PDE4A: variants seen among roughly 807,000 people sequenced by gnomAD.
PDE4A encodes the protein 3',5'-cyclic-AMP phosphodiesterase 4A.
In PDE4A, 21 loss-of-function variants were observed where a neutral mutation model predicts 73.9. The ratio of observed to expected loss-of-function variants is 0.28; its 90% CI spans 0.20 to 0.41. PDE4A has a LOEUF of 0.41. Among genes scored for constraint, PDE4A ranks in the 10% least tolerant of loss-of-function variants. The probability of loss-of-function intolerance (pLI) is 1.00; values close to 1 mark genes in which losing one functional copy is unlikely to be tolerated. For synonymous variants in PDE4A, 463 were observed against 505.4 expected (o/e 0.92, Z 1.13); for missense variants, 958 against 1,211.4 (o/e 0.79, Z 3.10).
intron 1 of PDE4A, among the ~76,000 whole-genome samples, chr19:10,438,305 G>A (rs2042892363): frequency 6.6e-6 from 1 of 151,296 alleles, no homozygotes; most frequent in Non-Finnish European, 1.5e-5. Flanking sequence ...TAGAGACGGG[G>A]TTTCATCATG....
chr19:10,429,690 T>C (rs1800534454), intron 1 of PDE4A, among the ~76,000 whole-genome samples: 1 of 152,138 alleles, frequency 6.6e-6, no homozygotes, highest in Non-Finnish European at 1.5e-5. Context: ...GTGGGTGGCA[T>C]TCTAGGTTGT....
chr19:10,426,531 A>T (rs1346829639), intron 1 of PDE4A, among the ~76,000 whole-genome samples: 2 of 152,152 alleles, frequency 1.3e-5, no homozygotes, highest in Non-Finnish European at 2.9e-5. Context: ...CCATAGACAC[A>T]TTCCCTGCTG....
At position 10,461,572 on chromosome 19, in the gene PDE4A, TCAC is replaced by T. The variant is rs1445828063; in HGVS notation, c.1517_1519del (p.His506del). 6.2e-7 allele frequency: 1 copy of T among 1,613,612 alleles called. No homozygotes were observed. Among genetic ancestry groups the T allele is most frequent in the Admixed American group, 1.7e-5 (1 of 60,000 alleles). ...ACAACGATGAGTCGGTGCTCGAGAA[TCAC>T]CACCTGGCCGTGGGCTTCAAGCTGC... On this transcript the variant is annotated inframe_deletion, in exon 12 of 15. Coordinates refer to ENST00000380702, the MANE Select transcript of PDE4A (RefSeq NM_001111307.2).
chr19:10,467,518 A>G lies in PDE4A; in HGVS notation c.2558A>G (p.Gln853Arg), dbSNP rs151033353. ...GAGGTGGAGGCCCAACGAGAGCACC[A>G]GGCTGCCAAGAGGGCTTGCAGTGCC... ...AAEVEAQREH[Q>R]AAKRACSACA... is the part of the protein sequence containing the mutation. The change falls in exon 15 of 15, where the codon CAG becomes CGG. Residue 853 changes from glutamine to arginine, a missense_variant. Coordinates refer to ENST00000380702, the MANE Select transcript of PDE4A (RefSeq NM_001111307.2). The G allele has an allele frequency of 1.2e-5, 19 of 1,612,570 alleles. No homozygotes were observed. The highest frequency in any genetic ancestry group is 1.5e-5 in the Non-Finnish European group (18 of 1,179,810).
intron 1 of PDE4A, among the ~76,000 whole-genome samples, chr19:10,441,681 G>GT (rs1200442230): frequency 4.7e-4 from 62 of 131,754 alleles, no homozygotes; most frequent in African/African-American, 1.4e-3. Context: ...GTCATTTTGA[G>GT]TTATTTTTTT....
chr19:10,450,622 C>T lies in PDE4A; in HGVS notation c.640C>T (p.Pro214Ser), dbSNP rs759580657. Residue 214 changes from proline to serine, a missense_variant, in exon 5 of 15, where the codon CCC becomes TCC. Physicochemically the swap from Pro to Ser is moderately conservative, Grantham distance 74. Around this residue, in one of 3 missense-constraint regions of PDE4A, gnomAD observed 570 missense variants for 827.7 expected, o/e 0.69. Coordinates refer to ENST00000380702, the MANE Select transcript of PDE4A (RefSeq NM_001111307.2). Reference protein sequence around the residue: ...PSNKRSPLGGPTPVCKATLSE... With the variant: ...PSNKRSPLGGSTPVCKATLSE... ...CTGCAGGCGGTCCCCGCTGGGCGGC[C>T]CCACCCCTGTCTGCAAGGCCACGCT... 2.5e-6 allele frequency: 4 copies of T among 1,609,824 alleles called. No individual in the cohort carries two copies. The African/African-American group carries it at 4.0e-5, about 16-fold the overall frequency.
In PDE4A at chr19:10,452,017, AATG is replaced by A. The variant is rs2043098151; in HGVS notation, c.783+1077_783+1079del. Among the ~76,000 whole-genome samples, 6 of 126,752 alleles carry A rather than the reference AATG, an allele frequency of 4.7e-5. 1 individual carries two copies. The highest frequency in any genetic ancestry group is 2.7e-4 in the South Asian group (1 of 3,686). The allele number at this position is 126,752 out of a possible 152,430, so 83.2% of individuals were successfully genotyped here. ...GATATGGGTCTGAGGATGTTTCTGC[AATG>A]GTGTGTGTGTGTGTGTGTGTGTGTG... On this transcript the variant is annotated intron_variant, in intron 6 of 14. Coordinates refer to ENST00000380702, the MANE Select transcript of PDE4A (RefSeq NM_001111307.2).
chr19:10,462,671 C>G (rs2043293547), intron 13 of PDE4A, among the ~76,000 whole-genome samples: 1 of 152,058 alleles, frequency 6.6e-6, no homozygotes, highest in Non-Finnish European at 1.5e-5. Flanking sequence ...CCCATCTCTC[C>G]TTCCCATCTC....
Position 10,459,773 on chromosome 19 carries a change from C to T in PDE4A, c.1365+14C>T, listed in dbSNP as rs1568382706. The T allele has an allele frequency of 6.3e-7, 1 of 1,590,378 alleles. No individual in the cohort carries two copies. The highest frequency in any genetic ancestry group is 2.2e-5 in the East Asian group (1 of 44,478). On this transcript the variant is annotated intron_variant, in intron 10 of 14. Transcript: ENST00000380702. The stretch of plus-strand genomic sequence containing the variant: ...CCTGCACTAGATGTGAGTGACTGCC[C>T]TGTGAGTGACCGTCCCCATCTCTCT...
At chr19:10,446,588 T>A (rs141238240) in intron 2 of PDE4A, among the ~76,000 whole-genome samples, 179 bp downstream of exon 2, 4,249 of 151,860 alleles carry the variant, frequency 0.028, 200 homozygotes, top group African/African-American at 0.097. Context: ...GTTCCTTTTT[T>A]TTTTTTTTTC....
At chr19:10,454,690 G>C in intron 6 of PDE4A, 139 bp from the exon 7 acceptor site, 1 of 1,474,224 alleles carries the variant, frequency 6.8e-7, no homozygotes, top group Non-Finnish European at 9.1e-7. Context: ...CCCCCCAGCA[G>C]TCTTATAGGG....
At chr19:10,441,301 G>T (rs1471266160) in intron 1 of PDE4A, among the ~76,000 whole-genome samples, 1 of 152,014 alleles carries the variant, frequency 6.6e-6, no homozygotes, top group Non-Finnish European at 1.5e-5. Flanking sequence ...GCTAATTTTT[G>T]TATTTTTAGT....
In PDE4A at chr19:10,420,761, C is replaced by A; in HGVS notation, c.-4C>A. The A allele has an allele frequency of 1.3e-6, 2 of 1,555,988 alleles. No individual in the cohort carries two copies. Among genetic ancestry groups the A allele is most frequent in the Non-Finnish European group, 1.7e-6 (2 of 1,162,678 alleles). On this transcript the variant is annotated 5_prime_UTR_variant, in exon 1 of 15. Coordinates refer to ENST00000380702, the MANE Select transcript of PDE4A (RefSeq NM_001111307.2). The surrounding 1 kb of genome is among the most constrained non-coding windows in gnomAD (Gnocchi z 6.0). ...CCCCTGGGGCGCAAGTGGGGGCCGGCGCCATGGAACCCCCGACCGTCCCCT... is the reference window on the plus strand; with the variant it reads ...CCCCTGGGGCGCAAGTGGGGGCCGGAGCCATGGAACCCCCGACCGTCCCCT...
rs563951619 is a variant in PDE4A, at chr19:10,433,957, G to C, written c.321-12261G>C. On this transcript the variant is annotated intron_variant, in intron 1 of 14. Coordinates refer to ENST00000380702, the MANE Select transcript of PDE4A (RefSeq NM_001111307.2). ...TTCAAATCCACATTCTAGGCCGGGCGTGGTGGCTCATGCCTGTAATCCCAG... is the reference window on the plus strand; with the variant it reads ...TTCAAATCCACATTCTAGGCCGGGCCTGGTGGCTCATGCCTGTAATCCCAG... 1.3e-4 allele frequency among the ~76,000 whole-genome samples: 20 copies of C among 152,316 alleles called. No individual in the cohort carries two copies. In the South Asian group the frequency reaches 3.5e-3, roughly 27 times the overall value.
chr19:10,419,769 C>G (rs1016238693), upstream of PDE4A, among the ~76,000 whole-genome samples: 1 of 152,154 alleles, frequency 6.6e-6, no homozygotes, highest in Non-Finnish European at 1.5e-5. Context: ...AAGCACACAC[C>G]GACCACAAAC....
intron 1 of PDE4A, chr19:10,428,666 C>A (rs1237484954): frequency 1.9e-6 from 1 of 523,542 alleles, no homozygotes. Flanking sequence ...AGTATTATAC[C>A]CATTTTACAA....
chr19:10,437,210 A>C (rs1293797494), intron 1 of PDE4A, among the ~76,000 whole-genome samples: 1 of 151,602 alleles, frequency 6.6e-6, no homozygotes, highest in African/African-American at 2.4e-5. Flanking sequence ...TGCAATCTCC[A>C]CCTCCCAGGA....
upstream of PDE4A, chr19:10,419,676 CGCA>C (rs1568361796): frequency 1.3e-5 from 2 of 152,612 alleles, no homozygotes; most frequent in African/African-American, 4.8e-5. Context: ...CATACACTCA[CGCA>C]CACGCACACA....
chr19:10,464,075 A>G (rs1215284631), intron 14 of PDE4A, 100 bp downstream of exon 14: 1 of 1,456,860 alleles, frequency 6.9e-7, no homozygotes, highest in Non-Finnish European at 9.5e-7. Context: ...CTGCCTTTCC[A>G]CAATGCCAAG....
Sources: gnomAD v4.1 joint callset for allele counts (sites outside exome capture counted in the v4.1 genomes callset) on GRCh38, gnomAD v4.1.1 for gene constraint, gnomAD v4.1.1 regional missense constraint, Gnocchi (gnomAD v3.1) non-coding constraint, MANE v1.5 for transcripts, NCBI Gene and HGNC (gene_info 2026-07-23, HGNC 2026-07-21) for gene names.